Variants in KLHL22 observed in about 807,000 individuals in gnomAD.
The protein encoded by KLHL22 is kelch-like protein 22.
In KLHL22, 18 loss-of-function variants were observed where a neutral mutation model predicts 60.7. The ratio of observed to expected loss-of-function variants is 0.30; its 90% CI spans 0.20 to 0.44. KLHL22 has a LOEUF of 0.44. Ranked by LOEUF, KLHL22 falls within the 20% of genes least tolerant of loss-of-function variation. The pLI, the probability that KLHL22 is intolerant of heterozygous loss-of-function variation, is 1.00. For synonymous variants in KLHL22, 355 were observed against 354.5 expected (o/e 1.00, Z -0.01); for missense variants, 596 against 852.3 (o/e 0.70, Z 3.74).
In KLHL22 at chr22:20,442,433, G is replaced by A. The variant is rs376040629; in HGVS notation, c.1545C>T (p.Ala515=). The A allele has an allele frequency of 1.9e-6, 3 of 1,586,948 alleles. No homozygotes were observed. Among genetic ancestry groups the A allele is most frequent in the Non-Finnish European group, 2.6e-6 (3 of 1,163,854 alleles). ...AGYRRDVHQV[A]CYSCTSGQWS... ...ACTGTCCAGACGTGCAGCTGTAGCAGGCCACCTGCAAAGCCAAGGCTAGAA... is the reference window on the plus strand; with the variant it reads ...ACTGTCCAGACGTGCAGCTGTAGCAAGCCACCTGCAAAGCCAAGGCTAGAA... Residue 515 remains alanine, a synonymous_variant, in exon 7 of 7, where the codon GCC becomes GCT. Coordinates refer to ENST00000328879, the MANE Select transcript of KLHL22 (RefSeq NM_032775.4).
intron 2 of KLHL22, among the ~76,000 whole-genome samples, chr22:20,485,982 C>T (rs1161831936): frequency 6.6e-6 from 1 of 151,714 alleles, no homozygotes; most frequent in African/African-American, 2.4e-5. Flanking sequence ...GCCTGGCCAA[C>T]ATGGTGAAAC....
chr22:20,456,064 G>A (rs913323703), intron 5 of KLHL22, among the ~76,000 whole-genome samples: 37 of 152,180 alleles, frequency 2.4e-4, no homozygotes, highest in African/African-American at 8.4e-4. Flanking sequence ...CAAGAACCGA[G>A]GACACATTCC....
At chr22:20,470,623 T>C (rs1021920596) in intron 3 of KLHL22, among the ~76,000 whole-genome samples, 2 of 152,194 alleles carry the variant, frequency 1.3e-5, no homozygotes, top group African/African-American at 4.8e-5. Context: ...CACTCCAGCC[T>C]GGGCAAGAGA....
chr22:20,489,260 A>G lies in KLHL22; in HGVS notation c.-33-16T>C, dbSNP rs1404834895. On this transcript the variant is annotated splice_polypyrimidine_tract_variant and intron_variant, in intron 1 of 6. Transcript: ENST00000328879. ...CAACTGTGGCCTGACAGTTGGCAAA[A>G]CAGGGGACAGGGGTGAGCAGGCAGG... 1 of 1,584,252 alleles carries G rather than the reference A, an allele frequency of 6.3e-7. No homozygotes were observed. The highest frequency in any genetic ancestry group is 2.2e-5 in the East Asian group (1 of 44,620).
At chr22:20,443,820 C>T (rs957111221) in intron 6 of KLHL22, among the ~76,000 whole-genome samples, 1 of 151,864 alleles carries the variant, frequency 6.6e-6, no homozygotes, top group Admixed American at 6.6e-5. Context: ...GGCTGAGGTG[C>T]GTGGATCACC....
In KLHL22 at chr22:20,441,556, G is replaced by A. The variant is rs943849719; in HGVS notation, c.*517C>T. On this transcript the variant is annotated 3_prime_UTR_variant, in exon 7 of 7. Transcript: ENST00000328879. The stretch of plus-strand genomic sequence containing the variant: ...CTTCTGTAAGATGCTTTATTTCATT[G>A]ACCAACAACATGGGGTCTGAAAACC... 5.9e-6 allele frequency: 1 copy of A among 169,892 alleles called. No individual in the cohort carries two copies. The highest frequency in any genetic ancestry group is 1.4e-5 in the Non-Finnish European group (1 of 69,616). The allele number at this position is 169,892 out of a possible 1,614,324, so 10.5% of individuals were successfully genotyped here. A position where few individuals can be genotyped will look rare whatever the true frequency, so the allele number is the denominator to read the frequency against.
rs1488229606 is a variant in KLHL22, at chr22:20,495,256, G to A, written c.-34+504C>T. 6.6e-6 allele frequency among the ~76,000 whole-genome samples: 1 copy of A among 152,208 alleles called. No individual in the cohort carries two copies. The highest frequency in any genetic ancestry group is 1.5e-5 in the Non-Finnish European group (1 of 68,024). On this transcript the variant is annotated intron_variant, in intron 1 of 6. Coordinates refer to ENST00000328879, the MANE Select transcript of KLHL22 (RefSeq NM_032775.4). This position sits in a 1 kb window ranked among gnomAD's most constrained non-coding sequence, Gnocchi z 4.6. Reference sequence around the variant, plus strand: ...TCTGGTGATTTTGCACTGACAGCGCGATCTCCGGCTCCTCTCAGGAAACCG... The same window carrying A: ...TCTGGTGATTTTGCACTGACAGCGCAATCTCCGGCTCCTCTCAGGAAACCG...
In KLHL22 at chr22:20,465,416, G is replaced by C; in HGVS notation, c.554C>G (p.Thr185Ser). 6.2e-7 allele frequency: 1 copy of C among 1,614,220 alleles called. No homozygotes were observed. Among genetic ancestry groups the C allele is most frequent in the Non-Finnish European group, 8.5e-7 (1 of 1,180,038 alleles). The change falls in exon 4 of 7, where the codon ACT becomes AGT. Residue 185 changes from threonine to serine, a missense_variant. By Grantham distance (58) the Thr-to-Ser change is moderately conservative (BLOSUM62 1). Transcript: ENST00000328879. The surrounding 1 kb of genome is among the most constrained non-coding windows in gnomAD (Gnocchi z 4.9). Reference sequence around the variant, plus strand: ...CAATGGAAGCTGGCGGTACTTGTCAGTCCGAGAGAAGGCCACAAAGTTTTT... The same window carrying C: ...CAATGGAAGCTGGCGGTACTTGTCACTCCGAGAGAAGGCCACAAAGTTTTT... ...ILKNFVAFSR[T>S]DKYRQLPLEK...
chr22:20,465,293 T>C lies in KLHL22; in HGVS notation c.677A>G (p.Gln226Arg). The stretch of plus-strand genomic sequence containing the variant: ...CAGCGAGATCTGGTCAGCCTGCACC[T>C]GCTCCAGGCTATAATGGTAGAGAAG... ...GALLYHYSLE[Q>R]VQADQISLHE... The change falls in exon 4 of 7, where the codon CAG (glutamine) becomes CGG (arginine). Residue 226 changes from glutamine to arginine, a missense_variant. Physicochemically the swap from Gln to Arg is conservative, Grantham distance 43 (BLOSUM62 1). Coordinates refer to ENST00000328879, the MANE Select transcript of KLHL22 (RefSeq NM_032775.4). The surrounding 1 kb of genome is among the most constrained non-coding windows in gnomAD (Gnocchi z 4.9). The C allele has an allele frequency of 6.2e-7, 1 of 1,614,108 alleles. No individual in the cohort carries two copies. The highest frequency in any genetic ancestry group is 8.5e-7 in the Non-Finnish European group (1 of 1,180,034).
intron 3 of KLHL22, among the ~76,000 whole-genome samples, chr22:20,467,006 A>C (rs1005641969): frequency 6.6e-6 from 1 of 152,260 alleles, no homozygotes; most frequent in Non-Finnish European, 1.5e-5. Context: ...TAGGAGACAA[A>C]GGGAAGGGCC....
At position 20,457,845 on chromosome 22, in the gene KLHL22, G is replaced by A. The variant is rs1299912138; in HGVS notation, c.1268C>T (p.Thr423Ile). The A allele has an allele frequency of 1.2e-6, 2 of 1,608,826 alleles. No individual in the cohort carries two copies. The highest frequency in any genetic ancestry group is 3.4e-5 in the Admixed American group (2 of 59,168). ...TGGGGCCACGTATGCCCAGGAGTTG[G>A]TGGCAGGGTCGTAGCGCTCCACAGC... ...LNAVERYDPA[T>I]NSWAYVAPLK... is the part of the protein sequence containing the mutation. Residue 423 changes from threonine to isoleucine, a missense_variant, in exon 5 of 7, where the codon ACC (threonine) becomes ATC (isoleucine). Physicochemically the swap from Thr to Ile is moderately conservative, Grantham distance 89. Transcript: ENST00000328879.
chr22:20,473,135 G>A (rs897402686), intron 2 of KLHL22, among the ~76,000 whole-genome samples: 6 of 152,224 alleles, frequency 3.9e-5, no homozygotes, highest in African/African-American at 1.2e-4. Context: ...TTCCGACTCA[G>A]GTGCTGGAGG....
chr22:20,491,311 T>G (rs1030989304), intron 1 of KLHL22: 1 of 152,206 alleles, frequency 6.6e-6, no homozygotes, highest in African/African-American at 2.4e-5. Flanking sequence ...ATTAAATCAC[T>G]GGCCATTGGT....
Position 20,465,375 on chromosome 22 carries a change from G to A in KLHL22, c.595C>T (p.Leu199Phe), listed in dbSNP as rs1364876045. 6.2e-7 allele frequency: 1 copy of A among 1,614,150 alleles called. No individual in the cohort carries two copies. ...RQLPLEKVYS[L>F]LSSNRLEVSC... is the part of the protein sequence containing the mutation. ...ACCTCCAGGCGATTGCTGCTGAGGA[G>A]GGAGTAGACCTTCTCCAATGGAAGC... The change falls in exon 4 of 7, where the codon CTC becomes TTC. Residue 199 changes from leucine to phenylalanine, a missense_variant. Coordinates refer to ENST00000328879, the MANE Select transcript of KLHL22 (RefSeq NM_032775.4). The surrounding 1 kb of genome is among the most constrained non-coding windows in gnomAD (Gnocchi z 4.9).
intron 1 of KLHL22, chr22:20,491,159 CAT>C (rs1181031601): frequency 1.3e-5 from 2 of 152,184 alleles, no homozygotes; most frequent in Non-Finnish European, 2.9e-5. Context: ...TGGGGCCAGA[CAT>C]GTGGGAAGTG....
At chr22:20,492,945 G>A (rs939773229) in intron 1 of KLHL22, among the ~76,000 whole-genome samples, 2 of 152,080 alleles carry the variant, frequency 1.3e-5, no homozygotes, top group Admixed American at 6.6e-5. Flanking sequence ...GAGGGGTGAG[G>A]TTTTATCTCA....
chr22:20,441,931 GAAGA>G lies in KLHL22; in HGVS notation c.*138_*141del, dbSNP rs2052764254. The G allele has an allele frequency of 2.5e-6, 2 of 810,892 alleles. No homozygotes were observed. Among genetic ancestry groups the G allele is most frequent in the Non-Finnish European group, 3.6e-6 (2 of 555,956 alleles). 50.2% of individuals were successfully genotyped at this position (810,892 alleles called of 1,614,324 possible). ...GGCAGGCTGGCCAAGGGGCTGGTGT[GAAGA>G]AAGAGGGCAGGGCCCATAAGCTGTG... On this transcript the variant is annotated 3_prime_UTR_variant, in exon 7 of 7. Coordinates refer to ENST00000328879, the MANE Select transcript of KLHL22 (RefSeq NM_032775.4).
At chr22:20,484,985 C>A (rs1234399160) in intron 2 of KLHL22, among the ~76,000 whole-genome samples, 1 of 152,128 alleles carries the variant, frequency 6.6e-6, no homozygotes. Flanking sequence ...AAAGGCACAC[C>A]TACCCTGGAA....
intron 2 of KLHL22, among the ~76,000 whole-genome samples, chr22:20,484,689 T>C (rs1353964316): frequency 2.6e-5 from 4 of 151,068 alleles, no homozygotes; most frequent in South Asian, 2.1e-4. Context: ...ACCTTGGCCT[T>C]GCAAAACGCT....
Sources: allele counts gnomAD v4.1 joint callset (sites outside exome capture counted in the v4.1 genomes callset), GRCh38; gene constraint gnomAD v4.1.1; non-coding constraint Gnocchi (gnomAD v3.1); transcripts MANE v1.5; gene names NCBI Gene and HGNC (gene_info 2026-07-23, HGNC 2026-07-21).